The following PTPRD variants were observed in gnomAD, a reference collection of about 807,000 sequenced individuals.
PTPRD encodes the protein protein tyrosine phosphatase receptor type D, also known as receptor-type tyrosine-protein phosphatase delta.
Under a neutral mutation model 214.5 loss-of-function variants are expected in PTPRD, and 34 were observed. The ratio of observed to expected loss-of-function variants is 0.16; its 90% CI spans 0.12 to 0.21. The LOEUF (loss-of-function observed/expected upper bound fraction) is 0.21, where lower values mean the gene tolerates loss of function less well. Ranked by LOEUF, PTPRD falls within the 10% of genes least tolerant of loss-of-function variation. The pLI is 1.00. For missense variants in PTPRD, 2,545 were observed against 2,398.7 expected, an observed-to-expected ratio of 1.06 and a Z score of -1.27; for synonymous variants, 1,128 against 845.7, an observed-to-expected ratio of 1.33 and a Z score of -5.79.
At chr9:10,174,804 A>G (rs115480680) in intron 3 of PTPRD, among the ~76,000 whole-genome samples, 106 of 152,244 alleles carry the variant, frequency 7.0e-4, no homozygotes, top group African/African-American at 2.5e-3. Context: ...ATAAAAAAGT[A>G]ACCCCATAGT....
chr9:10,507,903 T>A (rs530510548), intron 2 of PTPRD, among the ~76,000 whole-genome samples: 3 of 152,170 alleles, frequency 2.0e-5, no homozygotes, highest in Non-Finnish European at 2.9e-5. Context: ...GGACTTCATG[T>A]CTAAAACACC....
At chr9:9,430,519 C>T (rs889490720) in intron 8 of PTPRD, among the ~76,000 whole-genome samples, 3 of 152,096 alleles carry the variant, frequency 2.0e-5, no homozygotes, top group African/African-American at 7.2e-5. Context: ...ATGAAGCTAC[C>T]AATGATTTTC....
intron 2 of PTPRD, among the ~76,000 whole-genome samples, chr9:10,481,778 C>T (rs942450768): frequency 3.3e-5 from 5 of 151,742 alleles, no homozygotes; most frequent in East Asian, 1.9e-4. Context: ...GAGACAAAAC[C>T]GAAGAGCAGT....
chr9:9,177,267 T>C (rs1484156606), intron 10 of PTPRD, among the ~76,000 whole-genome samples: 1 of 151,932 alleles, frequency 6.6e-6, no homozygotes, highest in Non-Finnish European at 1.5e-5. Context: ...GAAAACAGCA[T>C]GGGGGAAACT....
chr9:8,876,966 C>G (rs2098398461), intron 11 of PTPRD, among the ~76,000 whole-genome samples: 1 of 150,818 alleles, frequency 6.6e-6, no homozygotes, highest in South Asian at 2.1e-4. Flanking sequence ...CTCTCTCTGT[C>G]CCCAGGCTGG....
intron 3 of PTPRD, among the ~76,000 whole-genome samples, chr9:10,188,292 G>C (rs1466901780): frequency 6.6e-6 from 1 of 152,036 alleles, no homozygotes; most frequent in Non-Finnish European, 1.5e-5. Flanking sequence ...ACTCATGAAA[G>C]CATGGTAATG....
intron 2 of PTPRD, among the ~76,000 whole-genome samples, chr9:10,476,206 A>G (rs2099061497): frequency 6.6e-6 from 1 of 152,182 alleles, no homozygotes; most frequent in African/African-American, 2.4e-5. Context: ...CTCTGTTTGC[A>G]GATGACATGA....
intron 2 of PTPRD, among the ~76,000 whole-genome samples, chr9:10,546,210 T>G (rs887225856): frequency 1.3e-5 from 2 of 152,058 alleles, no homozygotes; most frequent in African/African-American, 4.8e-5. Flanking sequence ...ATTTATTTTT[T>G]TTTCTATGTA....
intron 5 of PTPRD, among the ~76,000 whole-genome samples, chr9:9,930,261 C>T (rs979626708): frequency 6.6e-6 from 1 of 151,872 alleles, no homozygotes; most frequent in African/African-American, 2.4e-5. Context: ...TGGTTAGAGT[C>T]ACAGAATTGG....
At chr9:10,461,865 G>A (rs1248205886) in intron 2 of PTPRD, among the ~76,000 whole-genome samples, 1 of 151,894 alleles carries the variant, frequency 6.6e-6, no homozygotes, top group Non-Finnish European at 1.5e-5. Context: ...CAGGTAATCC[G>A]CCCGCCCCAG....
intron 2 of PTPRD, among the ~76,000 whole-genome samples, chr9:10,357,606 ATTATATCCTT>A (rs1355085126): frequency 6.6e-6 from 1 of 152,226 alleles, no homozygotes; most frequent in East Asian, 1.9e-4. Flanking sequence ...TATTAGCATT[ATTATATCCTT>A]TTGTGCTGGT....
At chr9:8,477,135 T>A (rs992065407) in intron 30 of PTPRD, among the ~76,000 whole-genome samples, 7 of 149,278 alleles carry the variant, frequency 4.7e-5, no homozygotes, top group East Asian at 2.0e-4. Flanking sequence ...AAAAAAAAAA[T>A]AAATTGCTTT....
intron 10 of PTPRD, among the ~76,000 whole-genome samples, chr9:9,114,082 A>T (rs1220546054): frequency 6.6e-6 from 1 of 152,144 alleles, no homozygotes. Context: ...AAGAGCTATA[A>T]ACCATATCCT....
chr9:9,374,888 T>C (rs183026514), intron 9 of PTPRD, among the ~76,000 whole-genome samples: 6 of 152,298 alleles, frequency 3.9e-5, no homozygotes, highest in Admixed American at 2.6e-4. Context: ...ATTAATATCC[T>C]ACCTGCTTAT....
chr9:9,863,902 G>C (rs1391950034), intron 5 of PTPRD, among the ~76,000 whole-genome samples: 1 of 151,484 alleles, frequency 6.6e-6, no homozygotes, highest in Non-Finnish European at 1.5e-5. Flanking sequence ...CCTGATCCCT[G>C]TCCAGTCTCT....
At chr9:9,841,962 T>TA (rs1247261556) in intron 5 of PTPRD, among the ~76,000 whole-genome samples, 1 of 152,076 alleles carries the variant, frequency 6.6e-6, no homozygotes, top group Non-Finnish European at 1.5e-5. Flanking sequence ...CATTTTTTTT[T>TA]ATCTTTGCTA....
chr9:9,903,502 G>T (rs773648651), intron 5 of PTPRD, among the ~76,000 whole-genome samples: 16 of 152,006 alleles, frequency 1.1e-4, no homozygotes, highest in Admixed American at 6.6e-5. Context: ...TAAATAATGG[G>T]TATTTCTCAT....
chr9:9,280,516 A>C lies in PTPRD; in HGVS notation c.-202-97153T>G, dbSNP rs193295841. ...AAGTGGAATTTGAGATTGAAAACAC[A>C]TTACCATTTATTTTAGCACACACAA... On this transcript the variant is annotated intron_variant, in intron 9 of 45. Coordinates refer to ENST00000381196, the MANE Select transcript of PTPRD (RefSeq NM_002839.4). Among the ~76,000 whole-genome samples the C allele has an allele frequency of 2.7e-3, 406 of 151,374 alleles. 2 individuals are homozygous for C. The highest frequency in any genetic ancestry group is 9.1e-3 in the African/African-American group (377 of 41,464).
At chr9:8,757,671 C>CATAT (rs760332094) in intron 11 of PTPRD, among the ~76,000 whole-genome samples, 47 of 136,156 alleles carry the variant, frequency 3.5e-4, no homozygotes, top group Admixed American at 3.3e-3. Flanking sequence ...TATATACATA[C>CATAT]ATATATATAT....
Sources: allele counts gnomAD v4.1 joint callset (sites outside exome capture counted in the v4.1 genomes callset), GRCh38; gene constraint gnomAD v4.1.1; transcripts MANE v1.5; gene names NCBI Gene and HGNC (gene_info 2026-07-23, HGNC 2026-07-21).